PGBD5: variants seen among roughly 807,000 people sequenced by gnomAD.
PGBD5 encodes piggyBac transposable element derived 5.
In PGBD5, 14 loss-of-function variants were observed where a neutral mutation model predicts 47.9. The observed-to-expected ratio is 0.29, with a 90% CI of 0.19 to 0.46. The LOEUF (loss-of-function observed/expected upper bound fraction) is 0.46. Ranked by LOEUF, PGBD5 falls within the 20% of genes least tolerant of loss-of-function variation. The probability of loss-of-function intolerance (pLI) is 1.00; values close to 1 mark genes in which losing one functional copy is unlikely to be tolerated. For synonymous variants in PGBD5, 316 were observed against 306.3 expected (o/e 1.03, Z -0.33); for missense variants, 635 against 716.0 (o/e 0.89, Z 1.29).
At chr1:230,377,367 T>C (rs1668029322) in intron 1 of PGBD5, 1 of 1,024,032 alleles carries the variant, frequency 9.8e-7, no homozygotes, top group African/African-American at 1.6e-5. Context: ...CCAGGTGAAA[T>C]GCTGACATCA....
At chr1:230,377,976 T>C (rs1668042413) in intron 1 of PGBD5, among the ~76,000 whole-genome samples, 1 of 152,324 alleles carries the variant, frequency 6.6e-6, no homozygotes, top group Non-Finnish European at 1.5e-5. Context: ...AGACTGAAAA[T>C]AGAAAACATG....
At chr1:230,353,633 C>T (rs112678124) in intron 2 of PGBD5, among the ~76,000 whole-genome samples, 7 of 152,132 alleles carry the variant, frequency 4.6e-5, no homozygotes, top group East Asian at 1.9e-4. Flanking sequence ...GTGTAAGGGA[C>T]GGGTGCAGAG....
In PGBD5 at chr1:230,350,843, C is replaced by T. The variant is rs192459328; in HGVS notation, c.894+115G>A. The T allele has an allele frequency of 3.1e-5, 45 of 1,431,824 alleles. No individual in the cohort carries two copies. The Admixed American group carries it at 6.9e-4, about 22-fold the overall frequency. The allele number at this position is 1,431,824 out of a possible 1,614,324, so 88.7% of individuals were successfully genotyped here. A position where few individuals can be genotyped will look rare whatever the true frequency, so the allele number is the denominator to read the frequency against. ...CAGGAGCATCTGGGTGGACTTGGACCCACAGTGAAAAGGGTATGTGAACAA... is the reference window on the plus strand; with the variant it reads ...CAGGAGCATCTGGGTGGACTTGGACTCACAGTGAAAAGGGTATGTGAACAA... On this transcript the variant is annotated intron_variant, in intron 3 of 6. Transcript: ENST00000391860.
intron 1 of PGBD5, among the ~76,000 whole-genome samples, chr1:230,378,444 C>T (rs1183996350): frequency 2.0e-5 from 3 of 152,250 alleles, no homozygotes; most frequent in Admixed American, 2.0e-4. Context: ...TACCTGGAGC[C>T]ACATTGCTAG....
intron 1 of PGBD5, among the ~76,000 whole-genome samples, chr1:230,360,872 G>A (rs187371641): frequency 2.4e-4 from 37 of 152,276 alleles, no homozygotes; most frequent in Non-Finnish European, 4.0e-4. Context: ...ACTCGGATCC[G>A]TTTATGAGAG....
intron 2 of PGBD5, among the ~76,000 whole-genome samples, chr1:230,353,134 C>T (rs192643094): frequency 1.9e-4 from 29 of 152,296 alleles, no homozygotes; most frequent in African/African-American, 3.6e-4. Flanking sequence ...AAATGCAGCA[C>T]GGAACAGCAT....
intron 1 of PGBD5, among the ~76,000 whole-genome samples, chr1:230,399,782 G>A (rs140035850): frequency 9.1e-4 from 138 of 152,242 alleles, no homozygotes; most frequent in Admixed American, 1.8e-3. Context: ...TCCTGCCCAC[G>A]TTGCCGCAGA....
At chr1:230,365,434 T>C (rs751159708) in intron 1 of PGBD5, among the ~76,000 whole-genome samples, 9 of 151,990 alleles carry the variant, frequency 5.9e-5, no homozygotes, top group African/African-American at 9.7e-5. Flanking sequence ...CAAAGCCCAA[T>C]GTACCAACTA....
chr1:230,374,671 GAAC>G lies in PGBD5; in HGVS notation c.332-17353_332-17351del, dbSNP rs367963052. 2.4e-4 allele frequency among the ~76,000 whole-genome samples: 37 copies of G among 152,218 alleles called. No individual in the cohort carries two copies. The East Asian group carries it at 6.8e-3, about 28-fold the overall frequency. ...TATATGGCTTTTATGAGTAGAAAAA[GAAC>G]AACAGGTGCTATTTTAAAGAAACAA... On this transcript the variant is annotated intron_variant, in intron 1 of 6. Coordinates refer to ENST00000391860, the MANE Select transcript of PGBD5 (RefSeq NM_001258311.2).
intron 1 of PGBD5, among the ~76,000 whole-genome samples, chr1:230,411,552 C>T (rs531634242): frequency 6.6e-5 from 10 of 152,188 alleles, no homozygotes; most frequent in South Asian, 2.1e-4. Flanking sequence ...TTATCTAACC[C>T]GTGATTCTAC....
At position 230,425,028 on chromosome 1, in the gene PGBD5, C is replaced by T. The variant is rs1222234105; in HGVS notation, c.331+570G>A. 1.3e-5 allele frequency among the ~76,000 whole-genome samples: 2 copies of T among 152,176 alleles called. No homozygotes were observed. Among genetic ancestry groups the T allele is most frequent in the Non-Finnish European group, 2.9e-5 (2 of 68,038 alleles). ...TTCCTTCACTCCTCCCCATTCTTAA[C>T]AAGAGATCTGGAATGGCGCGGACAG... On this transcript the variant is annotated intron_variant, in intron 1 of 6. Coordinates refer to ENST00000391860, the MANE Select transcript of PGBD5 (RefSeq NM_001258311.2). This position sits in a 1 kb window ranked among gnomAD's most constrained non-coding sequence, Gnocchi z 4.7.
Position 230,357,324 on chromosome 1 carries a change from GA to G in PGBD5, c.332-4del. On this transcript the variant is annotated splice_polypyrimidine_tract_variant and splice_region_variant and intron_variant, in intron 1 of 6. Transcript: ENST00000391860. This position sits in a 1 kb window ranked among gnomAD's most constrained non-coding sequence, Gnocchi z 5.7. The stretch of plus-strand genomic sequence containing the variant: ...GGGGGGCATCTTTCGGGTGGGACCT[GA>G]AACCCAAAGACAGGTGGAGTGTTCC... 6.2e-7 allele frequency: 1 copy of G among 1,612,152 alleles called. No individual in the cohort carries two copies. The highest frequency in any genetic ancestry group is 8.5e-7 in the Non-Finnish European group (1 of 1,178,834).
At chr1:230,391,619 TA>T (rs1443868675) in intron 1 of PGBD5, among the ~76,000 whole-genome samples, 1 of 152,146 alleles carries the variant, frequency 6.6e-6, no homozygotes, top group Non-Finnish European at 1.5e-5. Context: ...CCTCCTGCAG[TA>T]AAACAATTTC....
rs1172614645 is a variant in PGBD5, at chr1:230,315,802, ATATG to A, written c.*7619_*7622del. On this transcript the variant is annotated 3_prime_UTR_variant, in exon 7 of 7. Transcript: ENST00000391860. ...TGCATATATGTATATATGTATACAT[ATATG>A]TATATGTGCATACATATAGAGGTAT... 1.0e-4 allele frequency: 14 copies of A among 137,842 alleles called. No homozygotes were observed. In the South Asian group the frequency reaches 3.4e-3, roughly 33 times the overall value. The allele number at this position is 137,842 out of a possible 1,614,324, so 8.5% of individuals were successfully genotyped here.
At chr1:230,421,698 G>A (rs1657652203) in intron 1 of PGBD5, among the ~76,000 whole-genome samples, 1 of 152,176 alleles carries the variant, frequency 6.6e-6, no homozygotes, top group African/African-American at 2.4e-5. Context: ...ATTCTGTGCA[G>A]CCACTGCAAG....
At chr1:230,396,586 A>C (rs753320907) in intron 1 of PGBD5, among the ~76,000 whole-genome samples, 1 of 116,734 alleles carries the variant, frequency 8.6e-6, no homozygotes, top group Admixed American at 1.0e-4. Flanking sequence ...ATTCATCTGG[A>C]ATGGACCACA....
intron 1 of PGBD5, among the ~76,000 whole-genome samples, chr1:230,388,227 G>A (rs757515827): frequency 2.6e-5 from 4 of 152,278 alleles, no homozygotes; most frequent in African/African-American, 7.2e-5. Flanking sequence ...TGGAAAGGAC[G>A]AGAGCGGACA....
intron 3 of PGBD5, among the ~76,000 whole-genome samples, chr1:230,343,052 C>T (rs939421780): frequency 6.6e-6 from 1 of 152,178 alleles, no homozygotes; most frequent in African/African-American, 2.4e-5. Flanking sequence ...GGGCTTCTAG[C>T]AAAGTCTCTA....
At chr1:230,339,311 A>C (rs773556787) in intron 3 of PGBD5, among the ~76,000 whole-genome samples, 1 of 152,242 alleles carries the variant, frequency 6.6e-6, no homozygotes, top group Admixed American at 6.5e-5. Context: ...TTCCCCGTCC[A>C]AACACTCAGT....
Sources: allele counts gnomAD v4.1 joint callset (sites outside exome capture counted in the v4.1 genomes callset), GRCh38; gene constraint gnomAD v4.1.1; non-coding constraint Gnocchi (gnomAD v3.1); transcripts MANE v1.5; gene names NCBI Gene and HGNC (gene_info 2026-07-23, HGNC 2026-07-21).